The following EPHA6 variants were observed in gnomAD, a reference collection of about 807,000 sequenced individuals.
EPHA6 encodes the protein EPH receptor A6.
Under a neutral mutation model 112.0 loss-of-function variants are expected in EPHA6, and 50 were observed. The ratio of observed to expected loss-of-function variants is 0.45; its 90% CI spans 0.36 to 0.56. The LOEUF (loss-of-function observed/expected upper bound fraction) is 0.56. Ranked by LOEUF, EPHA6 falls within the 20% of genes least tolerant of loss-of-function variation. EPHA6 has a pLI of 0.00. For missense variants in EPHA6, 1,280 were observed against 1,417.4 expected (o/e 0.90, Z 1.56); for synonymous variants, 529 against 490.7 (o/e 1.08, Z -1.03).
intron 14 of EPHA6, among the ~76,000 whole-genome samples, chr3:97,644,198 T>C (rs1262649429): frequency 6.6e-6 from 1 of 152,000 alleles, no homozygotes; most frequent in African/African-American, 2.4e-5. Context: ...ACTGGATACA[T>C]AACGAAATTA....
chr3:97,103,194 T>G (rs536573138), intron 3 of EPHA6, among the ~76,000 whole-genome samples: 1 of 152,204 alleles, frequency 6.6e-6, no homozygotes, highest in African/African-American at 2.4e-5. Context: ...TATTTGTCAT[T>G]AAATCTTTGC....
intron 3 of EPHA6, among the ~76,000 whole-genome samples, chr3:97,011,377 G>C (rs1175385127): frequency 1.3e-5 from 2 of 152,174 alleles, no homozygotes; most frequent in African/African-American, 4.8e-5. Flanking sequence ...GAAGAAAATT[G>C]AAACTGCCAT....
chr3:97,283,200 TA>T (rs35916243), intron 5 of EPHA6, among the ~76,000 whole-genome samples: 1 of 152,148 alleles, frequency 6.6e-6, no homozygotes, highest in Admixed American at 6.5e-5. Context: ...AACTTTTTTT[TA>T]AAAAGCATAA....
chr3:97,045,274 G>A (rs1230753363), intron 3 of EPHA6, among the ~76,000 whole-genome samples: 1 of 151,838 alleles, frequency 6.6e-6, no homozygotes, highest in Non-Finnish European at 1.5e-5. Flanking sequence ...CTGGTATTTT[G>A]TATCATTATA....
chr3:97,614,334 CT>C (rs11288058), intron 13 of EPHA6, among the ~76,000 whole-genome samples: 31,466 of 124,620 alleles, frequency 0.25, 4,141 homozygotes, highest in East Asian at 0.45. Context: ...GGTATACTTA[CT>C]TTTTTTTTTT....
chr3:97,189,894 G>T (rs775327868), intron 3 of EPHA6, among the ~76,000 whole-genome samples: 4 of 151,890 alleles, frequency 2.6e-5, no homozygotes, highest in African/African-American at 9.7e-5. Flanking sequence ...CAATTTTTAC[G>T]TGCTATTCCA....
chr3:97,397,095 A>G (rs2086735375), intron 5 of EPHA6, among the ~76,000 whole-genome samples: 1 of 151,786 alleles, frequency 6.6e-6, no homozygotes, highest in Admixed American at 6.6e-5. Context: ...ATAAGGATGT[A>G]TATCAGCAAT....
At chr3:97,230,397 T>C (rs2078489703) in intron 4 of EPHA6, among the ~76,000 whole-genome samples, 1 of 152,172 alleles carries the variant, frequency 6.6e-6, no homozygotes, top group South Asian at 2.1e-4. Flanking sequence ...TCCACATCAT[T>C]TTATGTCACT....
At chr3:97,693,487 A>C (rs1214675024) in intron 14 of EPHA6, among the ~76,000 whole-genome samples, 1 of 152,242 alleles carries the variant, frequency 6.6e-6, no homozygotes, top group Non-Finnish European at 1.5e-5. Flanking sequence ...GATTGCATCA[A>C]GAACATATGA....
rs140783154 is a variant in EPHA6, at chr3:96,840,706, A to G, written c.385+25698A>G. ...ACTGCCAATTCAAACCAAAGAAAGTACTGAGTCCTGATTACCGGCCGGTGT... is the reference window on the plus strand; with the variant it reads ...ACTGCCAATTCAAACCAAAGAAAGTGCTGAGTCCTGATTACCGGCCGGTGT... On this transcript the variant is annotated intron_variant, in intron 1 of 17. Transcript: ENST00000389672. Among the ~76,000 whole-genome samples the G allele has an allele frequency of 3.9e-3, 592 of 152,182 alleles. 6 individuals are homozygous for G. Among genetic ancestry groups the G allele is most frequent in the African/African-American group, 0.013 (547 of 41,542 alleles).
intron 14 of EPHA6, chr3:97,646,371 C>A: frequency 8.7e-7 from 1 of 1,143,728 alleles, no homozygotes; most frequent in Non-Finnish European, 1.2e-6. Flanking sequence ...ACAGTATTGT[C>A]CACATTTCAA....
chr3:96,823,694 G>T (rs1315422670), intron 1 of EPHA6, among the ~76,000 whole-genome samples: 2 of 151,666 alleles, frequency 1.3e-5, no homozygotes, highest in Non-Finnish European at 3.0e-5. Context: ...TGGTCCACTT[G>T]CTAGCAATCA....
At chr3:96,954,772 CCTTTTTTT>C (rs2041688678) in intron 2 of EPHA6, among the ~76,000 whole-genome samples, 2 of 117,066 alleles carry the variant, frequency 1.7e-5, no homozygotes, top group Non-Finnish European at 3.4e-5. Flanking sequence ...TACTGGTGTG[CCTTTTTTT>C]TTTTTTTTTT....
Position 97,640,699 on chromosome 3 carries a change from G to A in EPHA6, c.2784+2617G>A, listed in dbSNP as rs7631585. On this transcript the variant is annotated intron_variant, in intron 14 of 17. Coordinates refer to ENST00000389672, the MANE Select transcript of EPHA6 (RefSeq NM_001080448.3). Reference sequence around the variant, plus strand: ...GCAGGCTGAGGCAGGAGAACCGCTTGAACCCAGGAGGCGGAGGTTGCGATG... The same window carrying A: ...GCAGGCTGAGGCAGGAGAACCGCTTAAACCCAGGAGGCGGAGGTTGCGATG... Among the ~76,000 whole-genome samples, 456 of 151,898 alleles carry A rather than the reference G, an allele frequency of 3.0e-3. 3 individuals are homozygous for A. Among genetic ancestry groups the A allele is most frequent in the African/African-American group, 0.01 (419 of 41,434 alleles).
Position 97,306,924 on chromosome 3 carries a change from C to T in EPHA6, c.1606+62637C>T, listed in dbSNP as rs188248153. 1.5e-3 allele frequency among the ~76,000 whole-genome samples: 231 copies of T among 150,658 alleles called. 2 individuals carry two copies. Among genetic ancestry groups the T allele is most frequent in the Admixed American group, 0.014 (212 of 15,094 alleles). On this transcript the variant is annotated intron_variant, in intron 5 of 17. Transcript: ENST00000389672. ...TTTTACATGTTAGAGAAGACTTATC[C>T]TTCAGCTTTGAGGTCAAATTTTGCT...
intron 5 of EPHA6, among the ~76,000 whole-genome samples, chr3:97,312,001 G>A (rs1433462536): frequency 1.3e-5 from 2 of 151,264 alleles, no homozygotes; most frequent in Non-Finnish European, 3.0e-5. Context: ...ATTTTTCTTA[G>A]CAATGTTTTG....
intron 4 of EPHA6, among the ~76,000 whole-genome samples, chr3:97,243,568 ATT>A (rs961305535): frequency 6.6e-6 from 1 of 151,376 alleles, no homozygotes; most frequent in African/African-American, 2.4e-5. Flanking sequence ...GTATGTTACT[ATT>A]TTTTTTCAAA....
At chr3:97,453,206 G>GA (rs2090582428) in intron 7 of EPHA6, among the ~76,000 whole-genome samples, 1 of 151,438 alleles carries the variant, frequency 6.6e-6, no homozygotes, top group African/African-American at 2.4e-5. Flanking sequence ...CTTAAATACT[G>GA]AAAAAATAGC....
At chr3:97,211,861 A>G (rs560658615) in intron 3 of EPHA6, among the ~76,000 whole-genome samples, 30 of 152,342 alleles carry the variant, frequency 2.0e-4, no homozygotes, top group African/African-American at 7.0e-4. Flanking sequence ...CAAAGGCCAC[A>G]TTCTTTATTT....
Sources: gnomAD v4.1 joint callset for allele counts (sites outside exome capture counted in the v4.1 genomes callset) on GRCh38, gnomAD v4.1.1 for gene constraint, MANE v1.5 for transcripts, NCBI Gene and HGNC (gene_info 2026-07-23, HGNC 2026-07-21) for gene names.